GLIS3: variants seen among roughly 807,000 people sequenced by gnomAD.
The protein encoded by GLIS3 is zinc finger protein GLIS3.
A neutral mutation model predicts 78.6 loss-of-function variants in GLIS3; 53 were observed. The observed-to-expected ratio is 0.67, with a 90% CI of 0.54 to 0.85. The LOEUF is 0.85. Ranked by LOEUF, GLIS3 falls within the 40% of genes least tolerant of loss-of-function variation. The pLI is 0.00. For synonymous variants in GLIS3, 684 were observed against 509.9 expected, an observed-to-expected ratio of 1.34 and a Z score of -4.60; for missense variants, 1,703 against 1,231.1, an observed-to-expected ratio of 1.38 and a Z score of -5.74.
the GLIS3 span, among the ~76,000 whole-genome samples, chr9:4,447,271 C>G: frequency 1.3e-5 from 2 of 152,052 alleles, no homozygotes; most frequent in Admixed American, 6.6e-5. Context: ...TGGTCTCAAA[C>G]TCCTGGCTTA....
intron 2 of GLIS3, among the ~76,000 whole-genome samples, chr9:4,345,247 C>T (rs1449885928): frequency 6.6e-6 from 1 of 152,180 alleles, no homozygotes; most frequent in Non-Finnish European, 1.5e-5. Context: ...CTTCTCAGAA[C>T]ACACTTAGCC....
intron 2 of GLIS3, among the ~76,000 whole-genome samples, chr9:4,245,307 C>T (rs553997821): frequency 9.2e-5 from 14 of 152,314 alleles, no homozygotes; most frequent in African/African-American, 2.4e-4. Context: ...GCATTCCACA[C>T]GGGATCAAGT....
intron 2 of GLIS3, among the ~76,000 whole-genome samples, chr9:4,273,833 A>C (rs1390256038): frequency 6.6e-6 from 1 of 151,764 alleles, no homozygotes; most frequent in Non-Finnish European, 1.5e-5. Context: ...CAGCTTCTTG[A>C]CTCCAAATTT....
the GLIS3 span, among the ~76,000 whole-genome samples, chr9:4,419,781 AAAAC>A: frequency 2.9e-4 from 44 of 152,188 alleles, no homozygotes; most frequent in Middle Eastern, 6.8e-3. Flanking sequence ...CTCTGTCTCA[AAAAC>A]AAACAAACAA....
intron 2 of GLIS3, among the ~76,000 whole-genome samples, chr9:4,157,476 G>T (rs1159406562): frequency 1.3e-5 from 2 of 152,126 alleles, no homozygotes; most frequent in African/African-American, 2.4e-5. Flanking sequence ...CTTTGGGGTG[G>T]GGAGCAGAGA....
chr9:4,218,662 G>C (rs10121599), intron 2 of GLIS3, among the ~76,000 whole-genome samples: 29,622 of 152,180 alleles, frequency 0.19, 3,115 homozygotes, highest in African/African-American at 0.28. Context: ...TGGAGCACTT[G>C]AGATGTGGCT....
upstream of GLIS3, among the ~76,000 whole-genome samples, chr9:4,303,710 C>G (rs996250828): frequency 2.6e-5 from 4 of 152,188 alleles, no homozygotes; most frequent in Non-Finnish European, 5.9e-5. Context: ...TCAATCTTGT[C>G]TAATTGGTGA....
chr9:4,276,436 CGG>C (rs1827011878), intron 2 of GLIS3, among the ~76,000 whole-genome samples: 2 of 1,394 alleles, frequency 1.4e-3, no homozygotes, highest in Non-Finnish European at 2.7e-3. Flanking sequence ...GGGAAGGGGA[CGG>C]GAGGGGAGGG....
chr9:4,370,233 A>G, the GLIS3 span, among the ~76,000 whole-genome samples: 3 of 151,916 alleles, frequency 2.0e-5, no homozygotes, highest in Admixed American at 6.6e-5. Context: ...AATATAACCA[A>G]AAGTTCAAAT....
At chr9:3,853,130 AG>A (rs1464556111) in intron 9 of GLIS3, among the ~76,000 whole-genome samples, 1 of 152,204 alleles carries the variant, frequency 6.6e-6, no homozygotes, top group African/African-American at 2.4e-5. Context: ...GACTGAACCC[AG>A]GAATTTGAGG....
the GLIS3 span, among the ~76,000 whole-genome samples, chr9:4,402,692 G>A: frequency 6.6e-6 from 1 of 152,138 alleles, no homozygotes; most frequent in Admixed American, 6.6e-5. Flanking sequence ...GCTGAAAAAT[G>A]CATTAGAGTC....
intron 2 of GLIS3, among the ~76,000 whole-genome samples, chr9:4,255,750 G>T (rs1343368726): frequency 6.6e-6 from 1 of 152,026 alleles, no homozygotes; most frequent in Non-Finnish European, 1.5e-5. Context: ...GATTTTTAGG[G>T]CAGTGAAACT....
intron 6 of GLIS3, among the ~76,000 whole-genome samples, chr9:3,925,779 C>T (rs1434758489): frequency 1.3e-5 from 2 of 152,162 alleles, no homozygotes; most frequent in African/African-American, 4.8e-5. Context: ...ACATTCACTT[C>T]AATGTTTAAT....
At chr9:4,403,913 A>G in the GLIS3 span, among the ~76,000 whole-genome samples, 4 of 152,288 alleles carry the variant, frequency 2.6e-5, no homozygotes, top group South Asian at 4.1e-4. Flanking sequence ...AAATGCTCCA[A>G]TCAAAAGACA....
chr9:4,431,121 A>C, the GLIS3 span, among the ~76,000 whole-genome samples: 2 of 152,190 alleles, frequency 1.3e-5, no homozygotes, highest in East Asian at 3.8e-4. Context: ...AATCACTAGC[A>C]ACTCAATCGC....
chr9:4,393,724 G>A, the GLIS3 span, among the ~76,000 whole-genome samples: 1 of 152,192 alleles, frequency 6.6e-6, no homozygotes, highest in African/African-American at 2.4e-5. Flanking sequence ...CAGGAAAACT[G>A]AAGAAGTAAT....
intron 9 of GLIS3, among the ~76,000 whole-genome samples, chr9:3,842,190 C>G (rs960873515): frequency 6.6e-6 from 1 of 152,116 alleles, no homozygotes; most frequent in Non-Finnish European, 1.5e-5. Context: ...AAAGACTTCC[C>G]CAGCTGGGTG....
rs180980409 is a variant in GLIS3, at chr9:4,222,003, G to C, written c.388+64035C>G. 1.8e-4 allele frequency among the ~76,000 whole-genome samples: 28 copies of C among 152,334 alleles called. 1 individual carries two copies. Among genetic ancestry groups the C allele is most frequent in the Admixed American group, 1.7e-3 (26 of 15,308 alleles). On this transcript the variant is annotated intron_variant, in intron 2 of 10. Transcript: ENST00000381971. ...AGCTGCCTGTGCACAGAACCAGAAA[G>C]GGAAGGAGAAGCTACTTTGGCTCTT...
chr9:4,475,593 T>C, the GLIS3 span, among the ~76,000 whole-genome samples: 10 of 152,304 alleles, frequency 6.6e-5, no homozygotes, highest in East Asian at 1.7e-3. Context: ...TTCTTTATAA[T>C]AAACCTACAC....
Sources: allele counts gnomAD v4.1 joint callset (sites outside exome capture counted in the v4.1 genomes callset), GRCh38; gene constraint gnomAD v4.1.1; transcripts MANE v1.5; gene names NCBI Gene and HGNC (gene_info 2026-07-23, HGNC 2026-07-21).